TMPRSS4: variants seen among roughly 807,000 people sequenced by gnomAD.
The protein encoded by TMPRSS4 is transmembrane protease serine 4.
In TMPRSS4, 45 loss-of-function variants were observed where a neutral mutation model predicts 56.4. The ratio of observed to expected loss-of-function variants is 0.80; its 90% confidence interval spans 0.63 to 1.02. The LOEUF is 1.02. Ranked by LOEUF, TMPRSS4 falls within the 50% of genes least tolerant of loss-of-function variation. The pLI, the probability that TMPRSS4 is intolerant of heterozygous loss-of-function variation, is 0.00. For missense variants in TMPRSS4, 546 were observed against 556.7 expected (o/e 0.98, Z 0.19); for synonymous variants, 205 against 211.0 (o/e 0.97, Z 0.25).
chr11:118,117,198 C>T, intron 11 of TMPRSS4, 107 bp from the exon 12 acceptor site: 2 of 1,097,388 alleles, frequency 1.8e-6, no homozygotes, highest in Non-Finnish European at 1.4e-6. Flanking sequence ...TATCGGAGAG[C>T]AGCAGGGAGT....
At chr11:118,083,463 G>T (rs1279229261) in intron 1 of TMPRSS4, among the ~76,000 whole-genome samples, 2 of 152,088 alleles carry the variant, frequency 1.3e-5, no homozygotes, top group Non-Finnish European at 2.9e-5. Context: ...AAGCCCCGGG[G>T]CCCATGAAAT....
At position 118,120,432 on chromosome 11, in the gene TMPRSS4, A is replaced by G. The variant is rs1947756296; in HGVS notation, c.*2519A>G. 6.6e-6 allele frequency: 1 copy of G among 152,190 alleles called. No homozygotes were observed. The highest frequency in any genetic ancestry group is 2.1e-4 in the South Asian group (1 of 4,826). 9.4% of individuals were successfully genotyped at this position (152,190 alleles called of 1,614,324 possible). ...ACTGCACCATTTTACATTCCCATCAACAGTTTGCAGGAGTTACTATTTCTC... is the reference window on the plus strand; with the variant it reads ...ACTGCACCATTTTACATTCCCATCAGCAGTTTGCAGGAGTTACTATTTCTC... On this transcript the variant is annotated 3_prime_UTR_variant, in exon 13 of 13. Transcript: ENST00000437212.
At chr11:118,092,999 A>T (rs1398674981) in intron 1 of TMPRSS4, among the ~76,000 whole-genome samples, 1 of 152,162 alleles carries the variant, frequency 6.6e-6, no homozygotes, top group Non-Finnish European at 1.5e-5. Context: ...GAGGTGAAGG[A>T]TCTTTCCTGA....
chr11:118,097,498 C>A (rs983433421), intron 2 of TMPRSS4, among the ~76,000 whole-genome samples: 3 of 152,098 alleles, frequency 2.0e-5, no homozygotes, highest in Non-Finnish European at 4.4e-5. Context: ...AGAATTCTTG[C>A]CCCATCTCCC....
intron 3 of TMPRSS4, among the ~76,000 whole-genome samples, chr11:118,099,806 T>A (rs888546649): frequency 9.9e-5 from 15 of 152,114 alleles, no homozygotes; most frequent in African/African-American, 3.6e-4. Flanking sequence ...CCCCAGGCAG[T>A]TGGCACCTGG....
chr11:118,113,570 G>A lies in TMPRSS4; in HGVS notation c.910+135G>A, dbSNP rs148883764. ...CAGCTTGCCCATTTGTCTCTAATAC[G>A]TCAGCCTAACATCACTGATGCCATG... On this transcript the variant is annotated intron_variant, in intron 9 of 12. Coordinates refer to ENST00000437212, the MANE Select transcript of TMPRSS4 (RefSeq NM_019894.4). The A allele has an allele frequency of 5.7e-3, 5,609 of 983,642 alleles. 17 individuals are homozygous for A. The highest frequency in any genetic ancestry group is 9.1e-3 in the African/African-American group (561 of 61,458). The allele number at this position is 983,642 out of a possible 1,614,324, so 60.9% of individuals were successfully genotyped here.
At chr11:118,108,960 T>A in intron 7 of TMPRSS4, 64 bp downstream of exon 7, 2 of 1,554,336 alleles carry the variant, frequency 1.3e-6, no homozygotes, top group Non-Finnish European at 1.8e-6. Flanking sequence ...AGGAAGACCT[T>A]CATCTTCACT....
At chr11:118,081,750 T>C (rs1434709970) in intron 1 of TMPRSS4, among the ~76,000 whole-genome samples, 3 of 151,450 alleles carry the variant, frequency 2.0e-5, no homozygotes, top group South Asian at 2.1e-4. Flanking sequence ...TAAATCTGTA[T>C]GCATTCATTC....
At position 118,111,795 on chromosome 11, in the gene TMPRSS4, T is replaced by G. The variant is rs1160828297; in HGVS notation, c.638T>G (p.Val213Gly). ...GTGGTGGGTGTGGAGGAGGCCTCTG[T>G]GGATTCTTGGCCTTGGCAGGTCAGC... ...PRVVGVEEAS[V>G]DSWPWQVSIQ... is the part of the protein sequence containing the mutation. Residue 213 changes from valine (V) to glycine (G), a missense_variant, in exon 8 of 13, where the codon GTG becomes GGG. Transcript: ENST00000437212. The G allele has an allele frequency of 6.2e-7, 1 of 1,604,790 alleles. No homozygotes were observed. The highest frequency in any genetic ancestry group is 1.7e-5 in the Admixed American group (1 of 58,602).
At chr11:118,089,883 G>C (rs1263096980) in intron 1 of TMPRSS4, among the ~76,000 whole-genome samples, 1 of 151,948 alleles carries the variant, frequency 6.6e-6, no homozygotes, top group African/African-American at 2.4e-5. Flanking sequence ...GTGTTGCTCT[G>C]TCCCCCAGGC....
At position 118,099,109 on chromosome 11, in the gene TMPRSS4, G is replaced by A. The variant is rs753595132; in HGVS notation, c.157+11G>A. 2.5e-6 allele frequency: 4 copies of A among 1,606,802 alleles called. No homozygotes were observed. Among genetic ancestry groups the A allele is most frequent in the Non-Finnish European group, 3.4e-6 (4 of 1,173,716 alleles). ...TTGTGGTTGTCCTCAGTAAGTGACA[G>A]CCCGTACCCGACTTTCACCCTCTAA... On this transcript the variant is annotated intron_variant, in intron 3 of 12. Coordinates refer to ENST00000437212, the MANE Select transcript of TMPRSS4 (RefSeq NM_019894.4).
chr11:118,105,016 T>TG (rs1165339474), intron 5 of TMPRSS4, among the ~76,000 whole-genome samples, 196 bp downstream of exon 5: 1 of 152,094 alleles, frequency 6.6e-6, no homozygotes, highest in Non-Finnish European at 1.5e-5. Flanking sequence ...AGGAGTTAAT[T>TG]GGGGGAACTA....
intron 1 of TMPRSS4, among the ~76,000 whole-genome samples, chr11:118,077,863 A>C (rs1197746377): frequency 6.6e-6 from 1 of 152,010 alleles, no homozygotes; most frequent in African/African-American, 2.4e-5. Flanking sequence ...AATACAAAAA[A>C]TTAGCCAGGC....
chr11:118,095,768 G>T (rs910217616), intron 2 of TMPRSS4, among the ~76,000 whole-genome samples: 3 of 152,180 alleles, frequency 2.0e-5, no homozygotes, highest in Non-Finnish European at 1.5e-5. Flanking sequence ...AATTACACTG[G>T]CTTTGAAAGA....
At chr11:118,123,680 G>A (rs568052874), downstream of TMPRSS4, among the ~76,000 whole-genome samples, 27 of 152,170 alleles carry the variant, frequency 1.8e-4, no homozygotes, top group African/African-American at 6.0e-4. Flanking sequence ...CCGCCACTAC[G>A]CCTGGCTAAT....
At chr11:118,089,316 G>A (rs1945797520) in intron 1 of TMPRSS4, among the ~76,000 whole-genome samples, 1 of 152,164 alleles carries the variant, frequency 6.6e-6, no homozygotes, top group South Asian at 2.1e-4. Flanking sequence ...GGGAAACTCA[G>A]GCAGCACAAC....
chr11:118,119,895 T>C lies in TMPRSS4; in HGVS notation c.*1982T>C, dbSNP rs1484679422. The C allele has an allele frequency of 6.6e-6, 1 of 152,240 alleles. No individual in the cohort carries two copies. Among genetic ancestry groups the C allele is most frequent in the Non-Finnish European group, 1.5e-5 (1 of 68,048 alleles). 9.4% of individuals were successfully genotyped at this position (152,240 alleles called of 1,614,324 possible). ...ATAACACAAGTTGCCATCTTCACCA[T>C]TTTTAGGTGTATAGTTCAGTGGTGT... On this transcript the variant is annotated 3_prime_UTR_variant, in exon 13 of 13. Transcript: ENST00000437212.
In TMPRSS4 at chr11:118,117,870, G is replaced by T. The variant is rs189630846; in HGVS notation, c.1303-32G>T. Reference sequence around the variant, plus strand: ...CACTTTGTCCAGTTTCAGATAATCTGACTTTCTCTTCATCGGTCTCTCTTA... The same window carrying T: ...CACTTTGTCCAGTTTCAGATAATCTTACTTTCTCTTCATCGGTCTCTCTTA... On this transcript the variant is annotated intron_variant, in intron 12 of 12. Coordinates refer to ENST00000437212, the MANE Select transcript of TMPRSS4 (RefSeq NM_019894.4). The T allele has an allele frequency of 5.1e-5, 82 of 1,614,048 alleles. No homozygotes were observed. The African/African-American group carries it at 9.9e-4, about 19-fold the overall frequency.
intron 4 of TMPRSS4, among the ~76,000 whole-genome samples, chr11:118,104,117 G>A (rs9645662): frequency 0.12 from 18,548 of 152,142 alleles, 1,761 homozygotes; most frequent in East Asian, 0.34. Flanking sequence ...AGATAGGTAG[G>A]AGATGAGTGA....
Sources: gnomAD v4.1 joint callset for allele counts (sites outside exome capture counted in the v4.1 genomes callset) on GRCh38, gnomAD v4.1.1 for gene constraint, MANE v1.5 for transcripts, NCBI Gene and HGNC (gene_info 2026-07-23, HGNC 2026-07-21) for gene names.